BTK: variants seen among roughly 807,000 people sequenced by gnomAD.
BTK encodes the protein tyrosine-protein kinase BTK.
Under a neutral mutation model 57.4 loss-of-function variants are expected in BTK, and 5 were observed. The observed-to-expected ratio is 0.09, with a 90% CI of 0.05 to 0.18. BTK has a LOEUF of 0.18. BTK is among the 10% of genes least tolerant of loss of function. The pLI is 1.00. For missense variants in BTK, 194 were observed against 501.2 expected (o/e 0.39, Z 5.85); for synonymous variants, 154 against 174.3 (o/e 0.88, Z 0.92).
chrX:101,390,665 A>G (rs782790079), upstream of BTK: 768 of 478,665 alleles, frequency 1.6e-3, 3 homozygotes, highest in Non-Finnish European at 2.2e-3. Context: ...GTGGAGGTGG[A>G]GGACCCCTTC....
intron 3 of BTK, among the ~76,000 whole-genome samples, chrX:101,373,639 T>C (rs1015084882): frequency 8.9e-5 from 10 of 112,383 alleles, no homozygotes; most frequent in Admixed American, 1.9e-4. Flanking sequence ...ATGTTGATAG[T>C]TGTTTTAACT....
Position 101,361,069 on chromosome X carries a change from A to G in BTK, c.589-314T>C, listed in dbSNP as rs193010276. Among the ~76,000 whole-genome samples the G allele has an allele frequency of 2.7e-5, 3 of 110,690 alleles. No homozygotes were observed. In the East Asian group the frequency reaches 8.5e-4, roughly 32 times the overall value. ...CATCTCTACTAAAAATGCAAAAATC[A>G]GCTGGGCATGGTAGTGTGTGCATAT... On this transcript the variant is annotated intron_variant, in intron 7 of 18. Transcript: ENST00000308731.
chrX:101,376,240 T>A (rs1927209786), intron 1 of BTK, among the ~76,000 whole-genome samples: 1 of 112,243 alleles, frequency 8.9e-6, no homozygotes, highest in Admixed American at 9.5e-5. Context: ...ACACTTCATA[T>A]CAGTTATTCA....
intron 5 of BTK, among the ~76,000 whole-genome samples, chrX:101,366,265 C>G (rs781799260): frequency 9.0e-6 from 1 of 110,678 alleles, no homozygotes; most frequent in Non-Finnish European, 1.9e-5. Flanking sequence ...GAGCAAGACT[C>G]TCTCTCTCAA....
At chrX:101,363,884 G>A (rs1340069919) in intron 5 of BTK, among the ~76,000 whole-genome samples, 2 of 80,907 alleles carry the variant, frequency 2.5e-5, no homozygotes, top group Admixed American at 2.9e-4. Context: ...GAAGAATCCC[G>A]CACATTATTA....
intron 9 of BTK, 133 bp from the exon 10 acceptor site, chrX:101,359,480 TG>T (rs1207762593): frequency 1.1e-5 from 7 of 641,292 alleles, no homozygotes; most frequent in Non-Finnish European, 1.8e-5. Flanking sequence ...ATCTGTCATG[TG>T]CATAGCACAC....
At chrX:101,382,405 C>G (rs1443637426) in intron 1 of BTK, among the ~76,000 whole-genome samples, 2 of 110,087 alleles carry the variant, frequency 1.8e-5, no homozygotes, top group African/African-American at 6.6e-5. Flanking sequence ...TGGCTCACTG[C>G]AATCGCTACC....
intron 18 of BTK, among the ~76,000 whole-genome samples, chrX:101,350,401 CTTTTTTTTTTT>C (rs782749965): frequency 1.5e-5 from 1 of 68,710 alleles, no homozygotes; most frequent in Non-Finnish European, 2.7e-5. Flanking sequence ...TACCTGGGAC[CTTTTTTTTTTT>C]TTTTTTTTTT....
intron 1 of BTK, among the ~76,000 whole-genome samples, chrX:101,376,354 G>A (rs782095841): frequency 8.9e-6 from 1 of 112,141 alleles, no homozygotes; most frequent in African/African-American, 3.2e-5. Flanking sequence ...CTAGGCCGGC[G>A]CGGTGGCTCA....
At chrX:101,371,211 G>A (rs1490737989) in intron 4 of BTK, among the ~76,000 whole-genome samples, 1 of 112,026 alleles carries the variant, frequency 8.9e-6, no homozygotes, top group African/African-American at 3.2e-5. Flanking sequence ...TTAGGTTTAT[G>A]CATAAGTCTA....
At chrX:101,390,617 G>A, upstream of BTK, 1 of 504,532 alleles carries the variant, frequency 2.0e-6, no homozygotes. Flanking sequence ...GCTGCGAAAG[G>A]TGTTCCCAGT....
At position 101,375,148 on chromosome X, in the gene BTK, C is replaced by T. The variant is rs1555980871; in HGVS notation, c.137G>A (p.Arg46His). Residue 46 changes from arginine to histidine, a missense_variant, in exon 2 of 19, where the codon CGT becomes CAT. Physicochemically the swap from Arg to His is conservative, Grantham distance 29. Coordinates refer to ENST00000308731, the MANE Select transcript of BTK (RefSeq NM_000061.3). ...TTTCATAGTCGAGAAACTTACCCCA[C>T]GTTCAAAGTCATACTCATAGTAGGA... Reference protein sequence around the residue: ...KLSYYEYDFERGRRGSKKGSI... With the variant: ...KLSYYEYDFEHGRRGSKKGSI... The T allele has an allele frequency of 3.3e-6, 4 of 1,211,586 alleles. No individual in the cohort carries two copies. Among genetic ancestry groups the T allele is most frequent in the East Asian group, 3.0e-5 (1 of 33,845 alleles).
At chrX:101,364,644 C>T (rs1235473629) in intron 5 of BTK, among the ~76,000 whole-genome samples, 1 of 109,896 alleles carries the variant, frequency 9.1e-6, no homozygotes, top group Non-Finnish European at 1.9e-5. Context: ...CCACCCTCAC[C>T]CTGACTTTTT....
chrX:101,390,055 A>G (rs1388357985), upstream of BTK, among the ~76,000 whole-genome samples: 3 of 112,085 alleles, frequency 2.7e-5, no homozygotes, highest in African/African-American at 9.7e-5. Flanking sequence ...TTTGTATCCT[A>G]GATTCACTAA....
intron 9 of BTK, 63 bp downstream of exon 9, chrX:101,360,021 AATAT>A: frequency 3.7e-6 from 1 of 273,067 alleles, no homozygotes; most frequent in Non-Finnish European, 5.9e-6. Context: ...TAAATAAATA[AATAT>A]ATATATATAT....
chrX:101,378,247 C>T (rs1203850763), intron 1 of BTK, among the ~76,000 whole-genome samples: 4 of 110,792 alleles, frequency 3.6e-5, no homozygotes, highest in African/African-American at 1.3e-4. Context: ...CCACACCTGG[C>T]TAATTTTTGT....
At chrX:101,366,310 A>G (rs955406214) in intron 5 of BTK, among the ~76,000 whole-genome samples, 1 of 111,390 alleles carries the variant, frequency 9.0e-6, no homozygotes. Context: ...ATTGAGGTAT[A>G]ATTTACATAT....
chrX:101,360,337 T>C (rs1926621785), intron 8 of BTK, among the ~76,000 whole-genome samples, 187 bp from the exon 9 acceptor site: 1 of 112,114 alleles, frequency 8.9e-6, no homozygotes, highest in African/African-American at 3.2e-5. Context: ...GCAGAGCTTA[T>C]GCACATGTTG....
At chrX:101,388,313 C>T (rs1927684426), upstream of BTK, among the ~76,000 whole-genome samples, 1 of 111,144 alleles carries the variant, frequency 9.0e-6, no homozygotes, top group African/African-American at 3.3e-5. Context: ...AGCAAGTAGA[C>T]GTAGGCTTTT....
Sources: gnomAD v4.1 joint callset for allele counts (sites outside exome capture counted in the v4.1 genomes callset) on GRCh38, gnomAD v4.1.1 for gene constraint, MANE v1.5 for transcripts, NCBI Gene and HGNC (gene_info 2026-07-23, HGNC 2026-07-21) for gene names.